Variants in PTPRN2 observed in about 807,000 individuals in gnomAD.
PTPRN2 encodes the protein receptor-type tyrosine-protein phosphatase N2.
PTPRN2 carries 74 observed loss-of-function variants against 118.8 expected under a neutral mutation model. The observed-to-expected ratio is 0.62, with a 90% confidence interval of 0.52 to 0.76. PTPRN2 has a LOEUF of 0.76. Ranked by LOEUF, PTPRN2 falls within the 30% of genes least tolerant of loss-of-function variation. The pLI is 0.00. For missense variants in PTPRN2, 1,481 were observed against 1,394.4 expected (o/e 1.06, Z -0.99); for synonymous variants, 641 against 608.0 (o/e 1.05, Z -0.80).
At position 157,977,940 on chromosome 7, in the gene PTPRN2, C is replaced by T. The variant is rs144802942; in HGVS notation, c.1724-79203G>A. The stretch of plus-strand genomic sequence containing the variant: ...TCTGTGGGCCGGCAGGACTCACCGC[C>T]GCAGGCAGCAGGCTCAGGCACCTTT... On this transcript the variant is annotated intron_variant, in intron 11 of 22. Coordinates refer to ENST00000389418, the MANE Select transcript of PTPRN2 (RefSeq NM_002847.5). The surrounding 1 kb of genome is among the most constrained non-coding windows in gnomAD (Gnocchi z 4.6). Among the ~76,000 whole-genome samples, 16 of 151,916 alleles carry T rather than the reference C, an allele frequency of 1.1e-4. No homozygotes were observed. In the East Asian group the frequency reaches 1.9e-3, roughly 18 times the overall value.
intron 11 of PTPRN2, chr7:158,029,339 CTA>C (rs1473968902): frequency 6.6e-6 from 1 of 152,264 alleles, no homozygotes; most frequent in African/African-American, 2.4e-5. Flanking sequence ...AAGGCCAATC[CTA>C]TGATTTCCCT....
intron 1 of PTPRN2, among the ~76,000 whole-genome samples, chr7:158,522,345 C>G (rs1384001560): frequency 3.2e-5 from 4 of 125,064 alleles, no homozygotes; most frequent in Admixed American, 7.9e-5. Flanking sequence ...GTCCACGTCA[C>G]AATGGTGGAC....
At position 157,861,617 on chromosome 7, in the gene PTPRN2, T is replaced by C. The variant is rs1810248002; in HGVS notation, c.1788+37056A>G. ...GCCAGAACAAAGGACTCCAGACGGA[T>C]GGGCTTGAAACAGTGGATGCCTGCA... On this transcript the variant is annotated intron_variant, in intron 12 of 22. Transcript: ENST00000389418. The surrounding 1 kb of genome is among the most constrained non-coding windows in gnomAD (Gnocchi z 5.8). 6.6e-6 allele frequency among the ~76,000 whole-genome samples: 1 copy of C among 152,202 alleles called. No homozygotes were observed. Among genetic ancestry groups the C allele is most frequent in the Non-Finnish European group, 1.5e-5 (1 of 68,030 alleles).
At chr7:157,777,962 A>G (rs1352866698) in intron 12 of PTPRN2, among the ~76,000 whole-genome samples, 1 of 150,134 alleles carries the variant, frequency 6.7e-6, no homozygotes, top group African/African-American at 2.5e-5. Context: ...CTTTAGAAAA[A>G]TCTTTACACC....
chr7:158,552,742 T>C (rs1826743480), intron 1 of PTPRN2, among the ~76,000 whole-genome samples: 1 of 152,208 alleles, frequency 6.6e-6, no homozygotes, highest in Admixed American at 6.5e-5. Flanking sequence ...ACACCGTGCA[T>C]GGCCCGATAC....
intron 3 of PTPRN2, 76 bp from the exon 4 acceptor site, chr7:158,205,349 A>G (rs1827049877): frequency 9.2e-7 from 1 of 1,085,004 alleles, no homozygotes; most frequent in Middle Eastern, 2.8e-4. Flanking sequence ...TCTCACAATT[A>G]GTTGCATTTC....
chr7:157,828,152 C>T (rs1421334959), intron 12 of PTPRN2, among the ~76,000 whole-genome samples: 1 of 152,232 alleles, frequency 6.6e-6, no homozygotes, highest in African/African-American at 2.4e-5. Flanking sequence ...TAAAATTCAG[C>T]ATCACGTCTT....
At chr7:157,979,867 C>A (rs1435463295) in intron 11 of PTPRN2, among the ~76,000 whole-genome samples, 1 of 152,204 alleles carries the variant, frequency 6.6e-6, no homozygotes, top group Non-Finnish European at 1.5e-5. Context: ...GCAAGCCAAC[C>A]ATACCCTCAT....
rs1801507291 is a variant in PTPRN2, at chr7:157,598,976, G to T, written c.2419-3661C>A. Among the ~76,000 whole-genome samples, 1 of 152,052 alleles carries T rather than the reference G, an allele frequency of 6.6e-6. No homozygotes were observed. Among genetic ancestry groups the T allele is most frequent in the Non-Finnish European group, 1.5e-5 (1 of 68,018 alleles). On this transcript the variant is annotated intron_variant, in intron 16 of 22. Coordinates refer to ENST00000389418, the MANE Select transcript of PTPRN2 (RefSeq NM_002847.5). The surrounding 1 kb of genome is among the most constrained non-coding windows in gnomAD (Gnocchi z 5.2). Reference sequence around the variant, plus strand: ...GTGACTTCATGAAAATCAACAGCCAGAAGGCAAGTACAATTAACAGTATAA... The same window carrying T: ...GTGACTTCATGAAAATCAACAGCCATAAGGCAAGTACAATTAACAGTATAA...
intron 12 of PTPRN2, among the ~76,000 whole-genome samples, chr7:157,760,580 C>A (rs1802071073): frequency 6.6e-6 from 1 of 152,074 alleles, no homozygotes; most frequent in African/African-American, 2.4e-5. Flanking sequence ...TCCCTGTGCT[C>A]CCCGAGTCTT....
intron 3 of PTPRN2, among the ~76,000 whole-genome samples, chr7:158,263,092 TTCACACACTGC>T (rs1797626521): frequency 1.7e-5 from 2 of 116,734 alleles, no homozygotes; most frequent in Non-Finnish European, 3.5e-5. Context: ...ACCACACACA[TTCACACACTGC>T]ACACACACAC....
intron 11 of PTPRN2, among the ~76,000 whole-genome samples, chr7:158,068,865 G>A (rs1810988473): frequency 6.6e-6 from 1 of 152,152 alleles, no homozygotes; most frequent in South Asian, 2.1e-4. Context: ...AATAAGACAA[G>A]GTGTTGATAG....
At chr7:157,706,876 A>G (rs1350329760) in intron 12 of PTPRN2, among the ~76,000 whole-genome samples, 8 of 146,480 alleles carry the variant, frequency 5.5e-5, no homozygotes, top group Non-Finnish European at 1.5e-5. Flanking sequence ...TGACCCCAGT[A>G]TCTTCCAGAT....
chr7:157,582,183 A>G (rs1302510715), intron 17 of PTPRN2, among the ~76,000 whole-genome samples: 1 of 151,958 alleles, frequency 6.6e-6, no homozygotes, highest in African/African-American at 2.4e-5. Flanking sequence ...CCATCAAATC[A>G]CCCACAGGCG....
rs142106081 is a variant in PTPRN2 at position 158,115,343 on chromosome 7, T to C, written c.1557-4428A>G. Among the ~76,000 whole-genome samples, 459 of 152,164 alleles carry C rather than the reference T, an allele frequency of 3.0e-3. 5 individuals are homozygous for C. The highest frequency in any genetic ancestry group is 1.0e-2 in the African/African-American group (414 of 41,520). ...GTAATGGTGACTGAAGTGGACATGG[T>C]CATAGACTGCGATGTGTCAGCGGGT... On this transcript the variant is annotated intron_variant, in intron 9 of 22. Transcript: ENST00000389418.
intron 2 of PTPRN2, among the ~76,000 whole-genome samples, chr7:158,337,477 A>G (rs1586354330): frequency 4.0e-5 from 6 of 150,000 alleles, no homozygotes; most frequent in Non-Finnish European, 5.9e-5. Context: ...TCTCACCATA[A>G]GAGGTGACAC....
At position 158,489,789 on chromosome 7, in the gene PTPRN2, CG is replaced by C. The variant is rs147127663; in HGVS notation, c.113-5del. ...AGGCCCTCCTCGAGCAGGCAGCCTG[CG>C]GGGAAACAGAGAAGAGACGCGGTCA... is the stretch of plus-strand genomic sequence containing the variant. On this transcript the variant is annotated splice_region_variant and splice_polypyrimidine_tract_variant and intron_variant, in intron 1 of 22. Transcript: ENST00000389418. The C allele has an allele frequency of 1.4e-3, 2,223 of 1,573,266 alleles. 27 individuals are homozygous for C. In the African/African-American group the frequency reaches 0.026, roughly 19 times the overall value.
chr7:158,328,797 C>G (rs985157143), intron 2 of PTPRN2, among the ~76,000 whole-genome samples: 1 of 147,320 alleles, frequency 6.8e-6, no homozygotes, highest in Non-Finnish European at 1.5e-5. Flanking sequence ...CTCCATTCCC[C>G]CCCCCCCGCC....
chr7:157,820,799 C>G (rs954544146), intron 12 of PTPRN2, among the ~76,000 whole-genome samples: 1 of 152,222 alleles, frequency 6.6e-6, no homozygotes, highest in Non-Finnish European at 1.5e-5. Flanking sequence ...GGAGTTATTC[C>G]TTATTCTCTA....
Sources: allele counts gnomAD v4.1 joint callset (sites outside exome capture counted in the v4.1 genomes callset), GRCh38; gene constraint gnomAD v4.1.1; non-coding constraint Gnocchi (gnomAD v3.1); transcripts MANE v1.5; gene names NCBI Gene and HGNC (gene_info 2026-07-23, HGNC 2026-07-21).